SDK2: variants seen among roughly 807,000 people sequenced by gnomAD.
SDK2 encodes protein sidekick-2.
In SDK2, 105 loss-of-function variants were observed where a neutral mutation model predicts 253.9. The ratio of observed to expected loss-of-function variants is 0.41; its 90% CI spans 0.35 to 0.49. The LOEUF is 0.49. SDK2 is among the 20% of genes least tolerant of loss of function. The pLI, the probability that SDK2 is intolerant of heterozygous loss-of-function variation, is 0.06. For missense variants in SDK2, 2,608 were observed against 3,003.0 expected (o/e 0.87, Z 3.07); for synonymous variants, 1,249 against 1,234.9 (o/e 1.01, Z -0.24).
intron 1 of SDK2, among the ~76,000 whole-genome samples, chr17:73,523,301 T>C (rs1057070754): frequency 2.6e-5 from 4 of 151,586 alleles, no homozygotes; most frequent in African/African-American, 9.7e-5. Context: ...CCCCTCTTGA[T>C]GAGGGGAGGG....
At chr17:73,596,910 C>T (rs2045766898) in intron 1 of SDK2, among the ~76,000 whole-genome samples, 1 of 152,032 alleles carries the variant, frequency 6.6e-6, no homozygotes, top group Non-Finnish European at 1.5e-5. Flanking sequence ...CCCGCTTGCT[C>T]CCTCCACCCC....
intron 18 of SDK2, among the ~76,000 whole-genome samples, chr17:73,403,863 C>A (rs561440395): frequency 6.6e-6 from 1 of 151,966 alleles, no homozygotes; most frequent in Non-Finnish European, 1.5e-5. Context: ...ATTATGTTGC[C>A]GAACTTCTTT....
intron 1 of SDK2, among the ~76,000 whole-genome samples, chr17:73,624,314 C>T (rs1451607268): frequency 4.6e-5 from 7 of 152,168 alleles, no homozygotes; most frequent in Non-Finnish European, 8.8e-5. Flanking sequence ...GGAAACATGG[C>T]AAAACCCTGT....
At chr17:73,399,965 G>A (rs2063008861) in intron 21 of SDK2, among the ~76,000 whole-genome samples, 1 of 152,212 alleles carries the variant, frequency 6.6e-6, no homozygotes, top group African/African-American at 2.4e-5. Flanking sequence ...TTGTTGTGAG[G>A]ATTAAATGAG....
intron 2 of SDK2, among the ~76,000 whole-genome samples, 163 bp downstream of exon 2, chr17:73,507,275 C>A (rs1324358292): frequency 6.6e-6 from 1 of 152,238 alleles, no homozygotes; most frequent in Non-Finnish European, 1.5e-5. Context: ...GTGGAGCCAT[C>A]TCACCTTGGG....
chr17:73,577,107 G>A (rs2045468072), intron 1 of SDK2, among the ~76,000 whole-genome samples: 2 of 152,190 alleles, frequency 1.3e-5, no homozygotes, highest in Admixed American at 6.5e-5. Context: ...ATATGGAGGT[G>A]TAGACCCCAA....
At chr17:73,442,588 G>T (rs1449207343) in intron 5 of SDK2, among the ~76,000 whole-genome samples, 1 of 152,024 alleles carries the variant, frequency 6.6e-6, no homozygotes, top group Non-Finnish European at 1.5e-5. Context: ...TGATCCACCC[G>T]CCTCGGCCTC....
chr17:73,362,802 G>C (rs1016181879), intron 38 of SDK2, among the ~76,000 whole-genome samples: 3 of 152,202 alleles, frequency 2.0e-5, no homozygotes, highest in South Asian at 4.1e-4. Context: ...TCTGTGCTTC[G>C]CGAATCCAAA....
chr17:73,606,737 C>T (rs1042555236), intron 1 of SDK2, among the ~76,000 whole-genome samples: 16 of 152,292 alleles, frequency 1.1e-4, no homozygotes, highest in African/African-American at 2.9e-4. Context: ...ACCCCATCCA[C>T]GCAGAATCCA....
chr17:73,384,611 G>A (rs2062857432), intron 32 of SDK2, among the ~76,000 whole-genome samples: 1 of 152,218 alleles, frequency 6.6e-6, no homozygotes, highest in African/African-American at 2.4e-5. Flanking sequence ...TGCTTATGAA[G>A]AATGGTCTGA....
chr17:73,598,661 T>C (rs1304287037), intron 1 of SDK2, among the ~76,000 whole-genome samples: 1 of 152,160 alleles, frequency 6.6e-6, no homozygotes, highest in East Asian at 1.9e-4. Flanking sequence ...CGTGGATCGC[T>C]GGCCTTTTTC....
intron 36 of SDK2, among the ~76,000 whole-genome samples, chr17:73,374,612 C>T (rs563644068): frequency 7.0e-6 from 1 of 143,038 alleles, no homozygotes; most frequent in South Asian, 2.3e-4. Flanking sequence ...GAATTACAAG[C>T]ATGCGCTACC....
rs116153389 is a variant in SDK2 at position 73,349,072 on chromosome 17, G to A, written c.6039-347C>T. Among the ~76,000 whole-genome samples the A allele has an allele frequency of 4.4e-3, 676 of 152,352 alleles. 9 individuals carry two copies. Among genetic ancestry groups the A allele is most frequent in the African/African-American group, 0.015 (637 of 41,594 alleles). On this transcript the variant is annotated intron_variant, in intron 43 of 44. Transcript: ENST00000392650. ...TGGCTTTGGGGGCACACAGGGGCCT[G>A]GATGTGTGTGCACTGTGGGTAGGAG...
At chr17:73,598,107 C>T (rs1170794386) in intron 1 of SDK2, among the ~76,000 whole-genome samples, 1 of 151,228 alleles carries the variant, frequency 6.6e-6, no homozygotes, top group Admixed American at 6.6e-5. Flanking sequence ...TTTTCCATCC[C>T]ATCTCCCCAG....
chr17:73,623,831 AAG>A (rs1402001230), intron 1 of SDK2, among the ~76,000 whole-genome samples: 4 of 152,162 alleles, frequency 2.6e-5, no homozygotes, highest in Non-Finnish European at 5.9e-5. Context: ...GCCCTTCAAT[AAG>A]TGATGAGTTC....
Position 73,362,187 on chromosome 17 carries a change from A to G in SDK2, c.5306-342T>C, listed in dbSNP as rs1469284459. On this transcript the variant is annotated intron_variant, in intron 38 of 44. Coordinates refer to ENST00000392650, the MANE Select transcript of SDK2 (RefSeq NM_001144952.2). ...CCATCCTGTTTAATGTAACCTCTGC[A>G]CCCCAAATATGTTTCGGCTCCATTG... Among the ~76,000 whole-genome samples, 3 of 152,136 alleles carry G rather than the reference A, an allele frequency of 2.0e-5. No individual in the cohort carries two copies. The East Asian group carries it at 5.8e-4, about 29-fold the overall frequency.
At chr17:73,367,194 A>T (rs1277275514) in intron 37 of SDK2, among the ~76,000 whole-genome samples, 6 of 152,106 alleles carry the variant, frequency 3.9e-5, no homozygotes. Flanking sequence ...TTTTAAGTAC[A>T]GATAGGGTTT....
chr17:73,579,146 C>A (rs143459549), intron 1 of SDK2, among the ~76,000 whole-genome samples: 2 of 152,096 alleles, frequency 1.3e-5, no homozygotes, highest in Admixed American at 6.6e-5. Flanking sequence ...TATTGCTGCA[C>A]GTCTGGCCTG....
chr17:73,383,835 CCCCATCCCA>C lies in SDK2; in HGVS notation c.4705+32_4705+40del, dbSNP rs2062850904. The C allele has an allele frequency of 3.1e-6, 5 of 1,609,780 alleles. No homozygotes were observed. The highest frequency in any genetic ancestry group is 4.3e-6 in the Non-Finnish European group (5 of 1,176,464). On this transcript the variant is annotated intron_variant, in intron 33 of 44. Coordinates refer to ENST00000392650, the MANE Select transcript of SDK2 (RefSeq NM_001144952.2). This position sits in a 1 kb window ranked among gnomAD's most constrained non-coding sequence, Gnocchi z 4.3. Reference sequence around the variant, plus strand: ...AGAGCGGGAAGGTGAGGGTGACCGCCCCCATCCCACCCATTCCTCTGGCTCCCAAGTGTC... The same window carrying C: ...AGAGCGGGAAGGTGAGGGTGACCGCCCCCATTCCTCTGGCTCCCAAGTGTC...
Sources: allele counts gnomAD v4.1 joint callset (sites outside exome capture counted in the v4.1 genomes callset), GRCh38; gene constraint gnomAD v4.1.1; non-coding constraint Gnocchi (gnomAD v3.1); transcripts MANE v1.5; gene names NCBI Gene and HGNC (gene_info 2026-07-23, HGNC 2026-07-21).